RAPGEF5: variants seen among roughly 807,000 people sequenced by gnomAD.
RAPGEF5 encodes M-Ras-regulated GEF.
In RAPGEF5, 65 loss-of-function variants were observed where a neutral mutation model predicts 125.2. The observed-to-expected ratio is 0.52, with a 90% CI of 0.43 to 0.64. The LOEUF is 0.64. RAPGEF5 is among the 30% of genes least tolerant of loss of function. RAPGEF5 has a pLI of 0.00. For missense variants in RAPGEF5, 958 were observed against 1,048.1 expected, an observed-to-expected ratio of 0.91 and a Z score of 1.19; for synonymous variants, 391 against 385.9, an observed-to-expected ratio of 1.01 and a Z score of -0.16.
intron 24 of RAPGEF5, among the ~76,000 whole-genome samples, chr7:22,126,020 G>A (rs1351632947): frequency 2.0e-5 from 3 of 151,994 alleles, no homozygotes; most frequent in African/African-American, 7.3e-5. Context: ...GGTTGTAGCA[G>A]GTGCTTGTAA....
At chr7:22,325,619 G>A (rs1408650129) in intron 1 of RAPGEF5, among the ~76,000 whole-genome samples, 2 of 152,162 alleles carry the variant, frequency 1.3e-5, no homozygotes, top group African/African-American at 4.8e-5. Flanking sequence ...AGGCTGGAGT[G>A]CAGTGGCACA....
At chr7:22,191,376 T>G in intron 11 of RAPGEF5, 1 of 347,404 alleles carries the variant, frequency 2.9e-6, no homozygotes, top group South Asian at 2.2e-5. Flanking sequence ...TTCTCCAAAG[T>G]TGACTTTTCC....
At chr7:22,291,630 A>G (rs1430573010) in intron 5 of RAPGEF5, among the ~76,000 whole-genome samples, 1 of 152,252 alleles carries the variant, frequency 6.6e-6, no homozygotes, top group Non-Finnish European at 1.5e-5. Flanking sequence ...TGAAAATATG[A>G]AATGTGAACT....
At chr7:22,174,442 A>G (rs951103623) in intron 11 of RAPGEF5, among the ~76,000 whole-genome samples, 5 of 152,296 alleles carry the variant, frequency 3.3e-5, no homozygotes, top group Admixed American at 2.6e-4. Context: ...CACATCTCCT[A>G]TGGCAACCAT....
chr7:22,292,987 T>G (rs1202589771), intron 5 of RAPGEF5, among the ~76,000 whole-genome samples: 1 of 152,208 alleles, frequency 6.6e-6, no homozygotes, highest in Non-Finnish European at 1.5e-5. Flanking sequence ...GACAAACAAT[T>G]TAGTCCCTGT....
At chr7:22,252,459 T>C (rs145422083) in intron 7 of RAPGEF5, among the ~76,000 whole-genome samples, 124 of 152,360 alleles carry the variant, frequency 8.1e-4, no homozygotes, top group Middle Eastern at 3.4e-3. Context: ...GCTGTAGTTA[T>C]AATTATTCAC....
chr7:22,183,564 A>G (rs1023216428), intron 11 of RAPGEF5, among the ~76,000 whole-genome samples: 2 of 152,216 alleles, frequency 1.3e-5, no homozygotes, highest in South Asian at 4.1e-4. Context: ...ATGTAAATAA[A>G]GGATAAAAAG....
chr7:22,150,412 T>C lies in RAPGEF5; in HGVS notation c.1879A>G (p.Thr627Ala), dbSNP rs761953848. Residue 627 changes from threonine (T) to alanine (A), a missense_variant, in exon 18 of 26, where the codon ACT (threonine) becomes GCT (alanine). Transcript: ENST00000665637. Reference protein sequence around the residue: ...IYVYRKDLADTLNPFAENEES... With the variant: ...IYVYRKDLADALNPFAENEES... ...ACAAGGCTGAAGGTCCTTACCAAAGTGTCCGCCAGGTCTTTCCGGTAGACA... is the reference window on the plus strand; with the variant it reads ...ACAAGGCTGAAGGTCCTTACCAAAGCGTCCGCCAGGTCTTTCCGGTAGACA... The C allele has an allele frequency of 6.2e-7, 1 of 1,606,588 alleles. No homozygotes were observed. The highest frequency in any genetic ancestry group is 1.7e-5 in the Admixed American group (1 of 59,046).
chr7:22,317,990 G>C lies in RAPGEF5; in HGVS notation c.279C>G (p.Ser93=). 6.5e-7 allele frequency: 1 copy of C among 1,548,172 alleles called. No individual in the cohort carries two copies. Among genetic ancestry groups the C allele is most frequent in the Non-Finnish European group, 8.7e-7 (1 of 1,146,376 alleles). Residue 93 remains serine, a synonymous_variant, in exon 2 of 26, where the codon TCC becomes TCG. Transcript: ENST00000665637. ...ISNPYLEHTP[S]QIYGENSSCA... is the part of the protein sequence containing the mutation. ...GTAAAAGAGAAAGGAATCATACCTG[G>C]GAAGGCGTATGTTCAAGGTACGGAT...
At chr7:22,318,221 C>G (rs143821205) in intron 1 of RAPGEF5, among the ~76,000 whole-genome samples, 184 bp from the exon 2 acceptor site, 84 of 151,810 alleles carry the variant, frequency 5.5e-4, no homozygotes, top group South Asian at 5.2e-3. Context: ...ATGTAAATAT[C>G]TGGTCAACAT....
In RAPGEF5 at chr7:22,131,086, T is replaced by C. The variant is rs767044409; in HGVS notation, c.2432A>G (p.His811Arg). ...PLLLKDVTFI[H>R]EGNKTFLDNL... is the part of the protein sequence containing the mutation. Reference sequence around the variant, plus strand: ...ATCCAAAAAAGTTTTATTTCCTTCATGAATAAATGTTACATCTGAAAATTA... The same window carrying C: ...ATCCAAAAAAGTTTTATTTCCTTCACGAATAAATGTTACATCTGAAAATTA... Residue 811 changes from histidine (H) to arginine (R), a missense_variant, in exon 24 of 26, where the codon CAT (histidine) becomes CGT (arginine). Transcript: ENST00000665637. The C allele has an allele frequency of 6.5e-7, 1 of 1,533,174 alleles. No homozygotes were observed. Among genetic ancestry groups the C allele is most frequent in the South Asian group, 1.3e-5 (1 of 79,640 alleles). 95.0% of individuals were successfully genotyped at this position (1,533,174 alleles called of 1,614,324 possible). A position where few individuals can be genotyped will look rare whatever the true frequency, so the allele number is the denominator to read the frequency against.
chr7:22,287,336 AT>A (rs1468469913), intron 6 of RAPGEF5, among the ~76,000 whole-genome samples: 2 of 152,232 alleles, frequency 1.3e-5, no homozygotes, highest in African/African-American at 4.8e-5. Context: ...TGTTCCTTCA[AT>A]ATGAAAACTC....
At chr7:22,254,459 T>G (rs1450677699) in intron 7 of RAPGEF5, among the ~76,000 whole-genome samples, 1 of 150,440 alleles carries the variant, frequency 6.6e-6, no homozygotes, top group Non-Finnish European at 1.5e-5. Context: ...AAAAAAAAAA[T>G]TAGCCAGGTG....
intron 5 of RAPGEF5, among the ~76,000 whole-genome samples, chr7:22,300,162 G>GT (rs1425090398): frequency 6.6e-6 from 1 of 151,722 alleles, no homozygotes; most frequent in Non-Finnish European, 1.5e-5. Context: ...CTTCTTCAAT[G>GT]TTTTTTTTCT....
intron 8 of RAPGEF5, among the ~76,000 whole-genome samples, chr7:22,223,989 G>C (rs949886773): frequency 6.6e-6 from 1 of 152,154 alleles, no homozygotes; most frequent in African/African-American, 2.4e-5. Flanking sequence ...AATTCTGCAA[G>C]AGATAATATG....
At chr7:22,261,609 G>T (rs995599319) in intron 7 of RAPGEF5, among the ~76,000 whole-genome samples, 3 of 152,126 alleles carry the variant, frequency 2.0e-5, no homozygotes, top group African/African-American at 7.2e-5. Flanking sequence ...CTAGGCAACA[G>T]AGTGAGACCC....
rs559626083 is a variant in RAPGEF5, at chr7:22,144,220, C to G, written c.2186+824G>C. ...ATTTACCAAGGTCTGTACCACGCAC[C>G]CAGGTATAATGATTGATAAGAAATA... On this transcript the variant is annotated intron_variant, in intron 20 of 25. Transcript: ENST00000665637. Among the ~76,000 whole-genome samples, 19 of 152,164 alleles carry G rather than the reference C, an allele frequency of 1.2e-4. No individual in the cohort carries two copies. The South Asian group carries it at 3.7e-3, about 30-fold the overall frequency.
At chr7:22,130,913 GCTC>G in intron 24 of RAPGEF5, 121 bp downstream of exon 24, 1 of 1,329,270 alleles carries the variant, frequency 7.5e-7, no homozygotes, top group East Asian at 2.6e-5. Flanking sequence ...AAGCAAATAA[GCTC>G]CTTGAATTCG....
intron 2 of RAPGEF5, among the ~76,000 whole-genome samples, chr7:22,316,484 TATA>T (rs1369600457): frequency 0.074 from 2,693 of 36,456 alleles, 62 homozygotes; most frequent in East Asian, 0.23. Context: ...TATATATATA[TATA>T]TATTTTTTTT....
Sources: gnomAD v4.1 joint callset for allele counts (sites outside exome capture counted in the v4.1 genomes callset) on GRCh38, gnomAD v4.1.1 for gene constraint, MANE v1.5 for transcripts, NCBI Gene and HGNC (gene_info 2026-07-23, HGNC 2026-07-21) for gene names.